The following PTPRM variants were observed in gnomAD, a reference collection of about 807,000 sequenced individuals.
The protein encoded by PTPRM is receptor-type tyrosine-protein phosphatase mu.
PTPRM carries 47 observed loss-of-function variants against 186.7 expected under a neutral mutation model. That is an observed-to-expected ratio of 0.25 (90% CI 0.20 to 0.32). The LOEUF is 0.32. PTPRM is among the 10% of genes least tolerant of loss of function. PTPRM has a pLI of 1.00. For missense variants in PTPRM, 1,494 were observed against 1,865.0 expected, an observed-to-expected ratio of 0.80 and a Z score of 3.66; for synonymous variants, 668 against 674.9, an observed-to-expected ratio of 0.99 and a Z score of 0.16.
At chr18:7,931,409 T>C (rs1421008303) in intron 5 of PTPRM, among the ~76,000 whole-genome samples, 1 of 152,218 alleles carries the variant, frequency 6.6e-6, no homozygotes, top group Admixed American at 6.5e-5. Context: ...TTTATACTTT[T>C]GAAAGTACTT....
At chr18:7,793,107 A>G (rs2043427118) in intron 2 of PTPRM, among the ~76,000 whole-genome samples, 1 of 152,222 alleles carries the variant, frequency 6.6e-6, no homozygotes, top group African/African-American at 2.4e-5. Flanking sequence ...TAATAAATAT[A>G]TTCCCAGAAC....
At chr18:8,367,641 G>T (rs932802163) in intron 23 of PTPRM, among the ~76,000 whole-genome samples, 1 of 152,260 alleles carries the variant, frequency 6.6e-6, no homozygotes, top group Non-Finnish European at 1.5e-5. Context: ...GGGTGCGGGG[G>T]GACAGCCAGC....
chr18:8,152,774 A>G (rs1468531667), intron 14 of PTPRM, among the ~76,000 whole-genome samples: 4 of 126,468 alleles, frequency 3.2e-5, no homozygotes, highest in Admixed American at 1.0e-4. Context: ...CTGAAGTGCA[A>G]TGGCACGATC....
chr18:8,297,085 G>A lies in PTPRM; in HGVS notation c.2842+630G>A, dbSNP rs578160564. ...ATGTTGCGTAGCAATGCTGAGACAC[G>A]CGCTAGATTGATGAAACCCCTTCTC... On this transcript the variant is annotated intron_variant, in intron 20 of 32. Coordinates refer to ENST00000580170, the MANE Select transcript of PTPRM (RefSeq NM_001105244.2). 1.4e-4 allele frequency among the ~76,000 whole-genome samples: 22 copies of A among 152,206 alleles called. No homozygotes were observed. The South Asian group carries it at 3.1e-3, about 22-fold the overall frequency.
chr18:8,112,100 T>A (rs1026448827), intron 11 of PTPRM, among the ~76,000 whole-genome samples: 1 of 152,238 alleles, frequency 6.6e-6, no homozygotes, highest in Admixed American at 6.5e-5. Context: ...ATCTGCTGTT[T>A]AGGAAATAAG....
At chr18:8,384,512 G>A in intron 29 of PTPRM, 49 bp from the exon 30 acceptor site, 3 of 1,606,494 alleles carry the variant, frequency 1.9e-6, no homozygotes, top group South Asian at 1.1e-5. Flanking sequence ...ACTGTTAGGA[G>A]TAAATTTCCT....
chr18:8,188,915 TTAAGA>T (rs1246287810), intron 14 of PTPRM, among the ~76,000 whole-genome samples: 2 of 152,130 alleles, frequency 1.3e-5, no homozygotes, highest in Non-Finnish European at 2.9e-5. Flanking sequence ...CACTGGATTA[TTAAGA>T]TAACAGTGGC....
intron 1 of PTPRM, among the ~76,000 whole-genome samples, chr18:7,609,968 C>T (rs966895408): frequency 6.6e-6 from 1 of 152,170 alleles, no homozygotes. Context: ...AAATGACTTA[C>T]ACTATTCTGT....
At chr18:8,001,533 G>GT (rs368130945) in intron 7 of PTPRM, among the ~76,000 whole-genome samples, 1,532 of 146,048 alleles carry the variant, frequency 0.01, 7 homozygotes, top group South Asian at 0.035. Flanking sequence ...TGAAAGGTTT[G>GT]TTTTTTTTTT....
chr18:8,184,864 T>G (rs2093622223), intron 14 of PTPRM, among the ~76,000 whole-genome samples: 1 of 152,220 alleles, frequency 6.6e-6, no homozygotes, highest in Non-Finnish European at 1.5e-5. Context: ...GTCCTAGTCC[T>G]CTGGTCCTAG....
At chr18:8,235,304 A>G (rs902475387) in intron 14 of PTPRM, among the ~76,000 whole-genome samples, 3 of 152,100 alleles carry the variant, frequency 2.0e-5, no homozygotes, top group African/African-American at 7.2e-5. Flanking sequence ...GTTTTGGCAG[A>G]TTACACCTTT....
At chr18:8,294,144 C>T (rs1428417713) in intron 19 of PTPRM, among the ~76,000 whole-genome samples, 8 of 152,140 alleles carry the variant, frequency 5.3e-5, no homozygotes, top group South Asian at 2.1e-4. Flanking sequence ...TCCAGCTACT[C>T]GGGAGGCTGA....
In PTPRM at chr18:8,040,263, C is replaced by T. The variant is rs569609908; in HGVS notation, c.1133-29423C>T. 6.6e-5 allele frequency among the ~76,000 whole-genome samples: 10 copies of T among 152,252 alleles called. No homozygotes were observed. In the East Asian group the frequency reaches 1.9e-3, roughly 29 times the overall value. On this transcript the variant is annotated intron_variant, in intron 7 of 32. Transcript: ENST00000580170. ...GCAGCCAAGCATGAAGCCTGTTGTTCTCACTCTCATCCTAGTCATCTTCCC... is the reference window on the plus strand; with the variant it reads ...GCAGCCAAGCATGAAGCCTGTTGTTTTCACTCTCATCCTAGTCATCTTCCC...
intron 9 of PTPRM, among the ~76,000 whole-genome samples, chr18:8,083,122 CT>C (rs1283494044): frequency 6.6e-6 from 1 of 152,142 alleles, no homozygotes; most frequent in Non-Finnish European, 1.5e-5. Flanking sequence ...CTCTGCTGTA[CT>C]TCCTAGTGCC....
chr18:7,927,877 A>ACC (rs1204356424), intron 5 of PTPRM, among the ~76,000 whole-genome samples: 4 of 152,092 alleles, frequency 2.6e-5, no homozygotes, highest in Non-Finnish European at 5.9e-5. Context: ...AGTAGCTGGT[A>ACC]CAACAGGCAC....
At chr18:8,240,006 G>T (rs191395938) in intron 14 of PTPRM, among the ~76,000 whole-genome samples, 3 of 152,290 alleles carry the variant, frequency 2.0e-5, no homozygotes, top group East Asian at 3.9e-4. Context: ...AGATTGCAAA[G>T]AAAATTGTTT....
intron 6 of PTPRM, among the ~76,000 whole-genome samples, chr18:7,950,607 AG>A (rs2052881092): frequency 1.3e-5 from 2 of 152,170 alleles, no homozygotes; most frequent in Admixed American, 1.3e-4. Flanking sequence ...TCTACCTTAC[AG>A]GGCCATGAGG....
At chr18:7,865,601 G>A (rs960334159) in intron 2 of PTPRM, among the ~76,000 whole-genome samples, 1 of 152,070 alleles carries the variant, frequency 6.6e-6, no homozygotes, top group African/African-American at 2.4e-5. Flanking sequence ...ATTTTATTGA[G>A]GATTTTCACA....
chr18:7,846,705 A>G (rs979683396), intron 2 of PTPRM, among the ~76,000 whole-genome samples: 14 of 152,212 alleles, frequency 9.2e-5, no homozygotes, highest in African/African-American at 3.1e-4. Flanking sequence ...GAGGGCACTC[A>G]CTAAATGCTT....
Sources: gnomAD v4.1 joint callset for allele counts (sites outside exome capture counted in the v4.1 genomes callset) on GRCh38, gnomAD v4.1.1 for gene constraint, MANE v1.5 for transcripts, NCBI Gene and HGNC (gene_info 2026-07-23, HGNC 2026-07-21) for gene names.